The following FGFR1OP2 variants were observed in gnomAD, a reference collection of about 807,000 sequenced individuals.
FGFR1OP2 encodes fibroblast growth factor receptor 1 oncogene partner 2.
FGFR1OP2 carries 17 observed loss-of-function variants against 35.2 expected under a neutral mutation model. The ratio of observed to expected loss-of-function variants is 0.48; its 90% CI spans 0.33 to 0.73. FGFR1OP2 has a LOEUF of 0.73. FGFR1OP2 is among the 30% of genes least tolerant of loss of function. The pLI is 0.02. For synonymous variants in FGFR1OP2, 105 were observed against 104.6 expected, an observed-to-expected ratio of 1.00 and a Z score of -0.03; for missense variants, 251 against 307.3, an observed-to-expected ratio of 0.82 and a Z score of 1.37.
At chr12:26,950,213 G>GTTGTTTTTTTTTTTTTTTTTTTT (rs1938898866) in intron 1 of FGFR1OP2, among the ~76,000 whole-genome samples, 7 of 50,934 alleles carry the variant, frequency 1.4e-4, no homozygotes, top group African/African-American at 5.7e-4. Flanking sequence ...TGTATTCGTT[G>GTTGTTTTTTTTTTTTTTTTTTTT]TTTTTTTTTT....
At chr12:26,958,825 G>C (rs1939062090) in intron 4 of FGFR1OP2, among the ~76,000 whole-genome samples, 1 of 152,072 alleles carries the variant, frequency 6.6e-6, no homozygotes, top group Admixed American at 6.6e-5. Flanking sequence ...TTGCTGATAT[G>C]AAATAAAAAT....
chr12:26,940,545 G>T lies in FGFR1OP2; in HGVS notation c.-15+1835G>T, dbSNP rs374188639. 7.7e-3 allele frequency among the ~76,000 whole-genome samples: 1,173 copies of T among 151,982 alleles called. 8 individuals carry two copies. Among genetic ancestry groups the T allele is most frequent in the Middle Eastern group, 0.027 (8 of 294 alleles). ...ATGAAAACCATAACTATACCTTTTG[G>T]TTTTTTTATTTCCATATGGGTCAGT... On this transcript the variant is annotated intron_variant, in intron 1 of 6. Transcript: ENST00000229395.
intron 1 of FGFR1OP2, among the ~76,000 whole-genome samples, chr12:26,952,929 G>A (rs1039400891): frequency 6.6e-6 from 1 of 152,094 alleles, no homozygotes; most frequent in Admixed American, 6.5e-5. Context: ...CTGAAGAAAG[G>A]ATGACTTATA....
intron 3 of FGFR1OP2, 66 bp downstream of exon 3, chr12:26,956,726 C>T (rs903254481): frequency 2.3e-6 from 2 of 864,902 alleles, no homozygotes; most frequent in African/African-American, 3.5e-5. Flanking sequence ...GTATTTATTG[C>T]TCTTTATCCT....
At chr12:26,939,906 G>C (rs1179051463) in intron 1 of FGFR1OP2, among the ~76,000 whole-genome samples, 2 of 152,196 alleles carry the variant, frequency 1.3e-5, no homozygotes, top group African/African-American at 4.8e-5. Flanking sequence ...TTTTGGGCCA[G>C]AAGGAACTCT....
rs1342516248 is a variant in FGFR1OP2, at chr12:26,954,232, C to A, written c.74C>A (p.Ala25Glu). 20 of 1,612,320 alleles carry A rather than the reference C, an allele frequency of 1.2e-5. No homozygotes were observed. Among genetic ancestry groups the A allele is most frequent in the Non-Finnish European group, 1.6e-5 (19 of 1,179,026 alleles). Reference protein sequence around the residue: ...LVERLRDHDDAAESLIEQTTA... With the variant: ...LVERLRDHDDEAESLIEQTTA... ...GAAAGATTAAGAGATCATGACGATG[C>A]AGCAGAATCTCTGATTGAGCAAACC... Residue 25 changes from alanine (A) to glutamate (E), a missense_variant, in exon 2 of 7, where the codon GCA becomes GAA. By Grantham distance (107) the Ala-to-Glu change is moderately radical. Transcript: ENST00000229395.
rs116940418 is a variant in FGFR1OP2 at position 26,954,215 on chromosome 12, A to G, written c.57A>G (p.Leu19=). Reference sequence around the variant, plus strand: ...ACGCTAAAGCTCTTGTTGAAAGATTAAGAGATCATGACGATGCAGCAGAAT... The same window carrying G: ...ACGCTAAAGCTCTTGTTGAAAGATTGAGAGATCATGACGATGCAGCAGAAT... ...LADAKALVER[L]RDHDDAAESL... The change falls in exon 2 of 7, where the codon TTA becomes TTG. Residue 19 remains leucine (L), a synonymous_variant. Coordinates refer to ENST00000229395, the MANE Select transcript of FGFR1OP2 (RefSeq NM_015633.3). 3,619 of 1,612,346 alleles carry G rather than the reference A, an allele frequency of 2.2e-3. 7 individuals carry two copies. Among genetic ancestry groups the G allele is most frequent in the Non-Finnish European group, 2.8e-3 (3,288 of 1,178,920 alleles).
intron 6 of FGFR1OP2, 27 bp downstream of exon 6, chr12:26,963,482 G>T: frequency 7.1e-7 from 1 of 1,408,930 alleles, no homozygotes. Context: ...AAATGTAGAT[G>T]AAAACTGTCC....
chr12:26,956,503 TG>T, intron 2 of FGFR1OP2, 39 bp from the exon 3 acceptor site: 5 of 575,046 alleles, frequency 8.7e-6, no homozygotes, highest in African/African-American at 6.0e-5. Context: ...TATATATATT[TG>T]CAGGTATTTT....
rs946672460 is a variant in FGFR1OP2, at chr12:26,965,286, ATAATT to A, written c.*560_*564del. The stretch of plus-strand genomic sequence containing the variant: ...AATGTGTTATATGTACCTTAAACAG[ATAATT>A]TAATTTTAGCAATTTATCATAACTG... On this transcript the variant is annotated 3_prime_UTR_variant, in exon 7 of 7. Coordinates refer to ENST00000229395, the MANE Select transcript of FGFR1OP2 (RefSeq NM_015633.3). 5 of 152,606 alleles carry A rather than the reference ATAATT, an allele frequency of 3.3e-5. No homozygotes were observed. Among genetic ancestry groups the A allele is most frequent in the Non-Finnish European group, 7.4e-5 (5 of 67,996 alleles). 9.5% of individuals were successfully genotyped at this position (152,606 alleles called of 1,614,324 possible).
At chr12:26,949,547 TAAATG>T (rs1938883251) in intron 1 of FGFR1OP2, among the ~76,000 whole-genome samples, 1 of 152,132 alleles carries the variant, frequency 6.6e-6, no homozygotes, top group Non-Finnish European at 1.5e-5. Context: ...TTTTTCTACT[TAAATG>T]AAATGTTTCA....
In FGFR1OP2 at chr12:26,964,756, T is replaced by G. The variant is rs551005221; in HGVS notation, c.*23T>G. 5 of 1,602,584 alleles carry G rather than the reference T, an allele frequency of 3.1e-6. No individual in the cohort carries two copies. Among genetic ancestry groups the G allele is most frequent in the East Asian group, 4.5e-5 (2 of 44,690 alleles). ...TGAAGAGTTTCTGAGTCTGTGAGCT[T>G]CTTACATGGCTCCAAATGGTCAAAT... On this transcript the variant is annotated 3_prime_UTR_variant, in exon 7 of 7. Coordinates refer to ENST00000229395, the MANE Select transcript of FGFR1OP2 (RefSeq NM_015633.3).
chr12:26,950,213 G>GTTGT (rs1938898866), intron 1 of FGFR1OP2, among the ~76,000 whole-genome samples: 5 of 50,934 alleles, frequency 9.8e-5, no homozygotes, highest in East Asian at 6.7e-4. Flanking sequence ...TGTATTCGTT[G>GTTGT]TTTTTTTTTT....
At chr12:26,946,218 G>A (rs1424436545) in intron 1 of FGFR1OP2, among the ~76,000 whole-genome samples, 1 of 152,082 alleles carries the variant, frequency 6.6e-6, no homozygotes, top group African/African-American at 2.4e-5. Context: ...ATACATTTAG[G>A]ATGCTTATGT....
At chr12:26,944,105 A>C (rs1220898848) in intron 1 of FGFR1OP2, among the ~76,000 whole-genome samples, 1 of 152,194 alleles carries the variant, frequency 6.6e-6, no homozygotes, top group Non-Finnish European at 1.5e-5. Flanking sequence ...CAGTATATAG[A>C]AAAACAGTTG....
At position 26,954,154 on chromosome 12, in the gene FGFR1OP2, T is replaced by C; in HGVS notation, c.-5T>C. On this transcript the variant is annotated 5_prime_UTR_variant, in exon 2 of 7. Transcript: ENST00000229395. The stretch of plus-strand genomic sequence containing the variant: ...TTAATTTTAATTATAGATATATCTT[T>C]AGAAATGAGTTGCACAATTGAGAAG... The C allele has an allele frequency of 1.3e-6, 2 of 1,582,644 alleles. No homozygotes were observed. The highest frequency in any genetic ancestry group is 2.4e-5 in the South Asian group (2 of 84,876).
intron 1 of FGFR1OP2, among the ~76,000 whole-genome samples, chr12:26,948,294 A>G (rs1290094693): frequency 1.3e-5 from 2 of 152,204 alleles, no homozygotes; most frequent in Non-Finnish European, 2.9e-5. Context: ...CCTTCTGATA[A>G]CACTTTGCTT....
rs1939088474 is a variant in FGFR1OP2 at position 26,960,528 on chromosome 12, A to C, written c.410A>C (p.His137Pro). ...TCTATACTACAGATTGACATGGTAC[A>C]TCGTAACAAGTCCGAAGGATTCTTC... Reference protein sequence around the residue: ...KEQHSKIDMVHRNKSEGFFLD... With the variant: ...KEQHSKIDMVPRNKSEGFFLD... Residue 137 changes from histidine (H) to proline (P), a missense_variant, in exon 5 of 7, where the codon CAT becomes CCT. His to Pro is a moderately conservative substitution (Grantham distance 77). Coordinates refer to ENST00000229395, the MANE Select transcript of FGFR1OP2 (RefSeq NM_015633.3). 4.3e-6 allele frequency: 7 copies of C among 1,612,510 alleles called. No individual in the cohort carries two copies. The highest frequency in any genetic ancestry group is 5.9e-6 in the Non-Finnish European group (7 of 1,178,852).
chr12:26,942,713 T>C (rs1306137926), intron 1 of FGFR1OP2, among the ~76,000 whole-genome samples: 1 of 152,264 alleles, frequency 6.6e-6, no homozygotes, highest in African/African-American at 2.4e-5. Context: ...TAATGGCTAA[T>C]GATGTTGAAC....
Sources: allele counts gnomAD v4.1 joint callset (sites outside exome capture counted in the v4.1 genomes callset), GRCh38; gene constraint gnomAD v4.1.1; transcripts MANE v1.5; gene names NCBI Gene and HGNC (gene_info 2026-07-23, HGNC 2026-07-21).